The following SUZ12 variants were observed in gnomAD, a reference collection of about 807,000 sequenced individuals.
SUZ12 encodes the protein SUZ12 polycomb repressive complex 2 subunit, also known as polycomb protein SUZ12.
A neutral mutation model predicts 87.3 loss-of-function variants in SUZ12; 17 were observed. The ratio of observed to expected loss-of-function variants is 0.19; its 90% CI spans 0.13 to 0.29. The LOEUF (loss-of-function observed/expected upper bound fraction) is 0.29. Among genes scored for constraint, SUZ12 ranks in the 10% least tolerant of loss-of-function variants. SUZ12 has a pLI of 1.00. For synonymous variants in SUZ12, 253 were observed against 312.4 expected (o/e 0.81, Z 2.01); for missense variants, 526 against 912.2 (o/e 0.58, Z 5.45).
At chr17:31,985,769 T>G (rs1909373879) in intron 9 of SUZ12, among the ~76,000 whole-genome samples, 1 of 151,962 alleles carries the variant, frequency 6.6e-6, no homozygotes, top group South Asian at 2.1e-4. Flanking sequence ...TTCAAGCGAT[T>G]CTCCAGCCTC....
chr17:31,950,051 A>G (rs954839515), intron 4 of SUZ12, among the ~76,000 whole-genome samples: 1 of 151,824 alleles, frequency 6.6e-6, no homozygotes. Context: ...GCTGGAATGC[A>G]ATGGCGTGAT....
intron 10 of SUZ12, among the ~76,000 whole-genome samples, chr17:31,990,237 T>C (rs983617871): frequency 6.7e-6 from 1 of 149,580 alleles, no homozygotes; most frequent in African/African-American, 2.5e-5. Context: ...CCTCCCAAAG[T>C]GCTGAGATTA....
rs753143736 is a variant in SUZ12, at chr17:31,976,633, T to G, written c.917+19T>G. ...AAAACAGGTAATGTTGATGAACAAG[T>G]GAGGCTCCCACAATGTTCTGGAAAT... On this transcript the variant is annotated intron_variant, in intron 8 of 15. Transcript: ENST00000322652. 1.3e-6 allele frequency: 2 copies of G among 1,534,092 alleles called. No homozygotes were observed. Among genetic ancestry groups the G allele is most frequent in the South Asian group, 1.2e-5 (1 of 86,686 alleles).
chr17:31,961,643 TTTTG>T (rs1300924947), intron 4 of SUZ12, among the ~76,000 whole-genome samples: 3 of 152,234 alleles, frequency 2.0e-5, no homozygotes, highest in African/African-American at 7.2e-5. Context: ...TGAAAGATCA[TTTTG>T]TTTATTTGTT....
intron 4 of SUZ12, among the ~76,000 whole-genome samples, chr17:31,957,734 T>C (rs1423994186): frequency 2.0e-5 from 3 of 151,236 alleles, no homozygotes; most frequent in Non-Finnish European, 4.4e-5. Flanking sequence ...TTAGCAGAGA[T>C]GGAGTTTCAC....
At chr17:31,968,531 C>G (rs2142165817) in intron 5 of SUZ12, among the ~76,000 whole-genome samples, 1 of 152,182 alleles carries the variant, frequency 6.6e-6, no homozygotes, top group Middle Eastern at 3.4e-3. Flanking sequence ...TGAGACTGGC[C>G]CTAGTTAGGG....
chr17:31,950,338 TATG>T (rs1415462328), intron 4 of SUZ12, among the ~76,000 whole-genome samples: 1 of 152,220 alleles, frequency 6.6e-6, no homozygotes, highest in Non-Finnish European at 1.5e-5. Context: ...AACACCAGTA[TATG>T]ATGCCAGCAA....
At position 31,954,283 on chromosome 17, in the gene SUZ12, G is replaced by A. The variant is rs140751665; in HGVS notation, c.455+6598G>A. Among the ~76,000 whole-genome samples, 8 of 152,084 alleles carry A rather than the reference G, an allele frequency of 5.3e-5. No homozygotes were observed. The South Asian group carries it at 6.2e-4, about 12-fold the overall frequency. On this transcript the variant is annotated intron_variant, in intron 4 of 15. Coordinates refer to ENST00000322652, the MANE Select transcript of SUZ12 (RefSeq NM_015355.4). ...TCACCATATTGGTCAGGCTGGTTTC[G>A]AACTCCTGACCTCGTGTTCTGCCCA...
At chr17:31,938,967 G>C (rs909996917) in intron 1 of SUZ12, among the ~76,000 whole-genome samples, 2 of 152,076 alleles carry the variant, frequency 1.3e-5, no homozygotes, top group Admixed American at 1.3e-4. Context: ...ATTTCTATTT[G>C]GTTTATTCTG....
intron 5 of SUZ12, chr17:31,967,577 A>C (rs546937107): frequency 6.6e-6 from 1 of 152,324 alleles, no homozygotes; most frequent in Non-Finnish European, 1.5e-5. Context: ...CTCTGTCTAA[A>C]AAAAAAGAAA....
intron 3 of SUZ12, among the ~76,000 whole-genome samples, chr17:31,946,000 T>A (rs1400025518): frequency 1.3e-5 from 2 of 152,176 alleles, no homozygotes; most frequent in African/African-American, 2.4e-5. Flanking sequence ...GAAAATATAT[T>A]GCCATCCTTC....
chr17:31,979,120 A>AAAAAAG (rs1908939306), intron 8 of SUZ12, among the ~76,000 whole-genome samples: 4 of 146,518 alleles, frequency 2.7e-5, no homozygotes, highest in African/African-American at 1.0e-4. Context: ...AAAAAAAAAA[A>AAAAAAG]AAAAAGAATT....
At chr17:31,966,436 C>T (rs1908090700) in intron 5 of SUZ12, 1 of 396,374 alleles carries the variant, frequency 2.5e-6, no homozygotes, top group Non-Finnish European at 4.6e-6. Flanking sequence ...CAGCCTCCAC[C>T]TCCCGGGTTC....
Position 31,972,387 on chromosome 17 carries a change from A to G in SUZ12, c.506-759A>G, listed in dbSNP as rs529303844. 4.3e-3 allele frequency among the ~76,000 whole-genome samples: 496 copies of G among 114,824 alleles called. 1 individual carries two copies. The highest frequency in any genetic ancestry group is 0.011 in the African/African-American group (370 of 32,486). 75.3% of individuals were successfully genotyped at this position (114,824 alleles called of 152,430 possible). A position where few individuals can be genotyped will look rare whatever the true frequency, so the allele number is the denominator to read the frequency against. On this transcript the variant is annotated intron_variant, in intron 5 of 15. Coordinates refer to ENST00000322652, the MANE Select transcript of SUZ12 (RefSeq NM_015355.4). ...TATGTATGTGTGTTTGTGTGTGTAT[A>G]TATATATATATATATATAAATAGAA... is the stretch of plus-strand genomic sequence containing the variant.
chr17:31,942,096 C>T (rs1906329406), intron 3 of SUZ12, among the ~76,000 whole-genome samples: 1 of 152,178 alleles, frequency 6.6e-6, no homozygotes. Flanking sequence ...TCAAGATCTT[C>T]CCGCCTTGGC....
rs1200573090 is a variant in SUZ12 at position 31,999,467 on chromosome 17, T to G, written c.*464T>G. The stretch of plus-strand genomic sequence containing the variant: ...TACAGAAAAGGAAAAAAATAGAAAT[T>G]GAAGGATTTTTATGAAATTATATTG... On this transcript the variant is annotated 3_prime_UTR_variant, in exon 16 of 16. Transcript: ENST00000322652. 1 of 231,432 alleles carries G rather than the reference T, an allele frequency of 4.3e-6. No individual in the cohort carries two copies. The highest frequency in any genetic ancestry group is 8.5e-6 in the Non-Finnish European group (1 of 117,070). The allele number at this position is 231,432 out of a possible 1,614,324, so 14.3% of individuals were successfully genotyped here.
At chr17:31,957,297 T>A (rs1306049216) in intron 4 of SUZ12, among the ~76,000 whole-genome samples, 4 of 151,930 alleles carry the variant, frequency 2.6e-5, no homozygotes, top group Non-Finnish European at 5.9e-5. Context: ...TGTAGTGCAG[T>A]GGTGTGATCT....
At chr17:31,991,540 A>AT (rs1909720643) in intron 10 of SUZ12, among the ~76,000 whole-genome samples, 1 of 137,824 alleles carries the variant, frequency 7.3e-6, no homozygotes, top group African/African-American at 3.2e-5. Context: ...AAATATAAAT[A>AT]CCTTTTTTTC....
rs754584918 is a variant in SUZ12 at position 31,993,833 on chromosome 17, G to A, written c.1294-32G>A. The A allele has an allele frequency of 2.0e-5, 32 of 1,563,170 alleles. No homozygotes were observed. The African/African-American group carries it at 3.1e-4, about 15-fold the overall frequency. ...AAAATATCTTGTTATGCGTAAATTG[G>A]AGATTTGCTTTTTTTTTTTAATTGT... On this transcript the variant is annotated intron_variant, in intron 11 of 15. Transcript: ENST00000322652.
Sources: gnomAD v4.1 joint callset for allele counts (sites outside exome capture counted in the v4.1 genomes callset) on GRCh38, gnomAD v4.1.1 for gene constraint, MANE v1.5 for transcripts, NCBI Gene and HGNC (gene_info 2026-07-23, HGNC 2026-07-21) for gene names.